OCA2: variants seen among roughly 807,000 people sequenced by gnomAD.
OCA2 encodes P protein.
OCA2 carries 77 observed loss-of-function variants against 100.2 expected under a neutral mutation model. The observed-to-expected ratio is 0.77, with a 90% CI of 0.64 to 0.93. OCA2 has a LOEUF of 0.93. OCA2 is among the 40% of genes least tolerant of loss of function. The pLI is 0.00. For missense variants in OCA2, 1,062 were observed against 1,089.1 expected, an observed-to-expected ratio of 0.98 and a Z score of 0.35; for synonymous variants, 432 against 439.2, an observed-to-expected ratio of 0.98 and a Z score of 0.21.
chr15:27,829,569 A>G lies in OCA2; in HGVS notation c.2432+15390T>C, dbSNP rs577571259. Among the ~76,000 whole-genome samples the G allele has an allele frequency of 3.6e-4, 55 of 152,344 alleles. 2 individuals carry two copies. In the South Asian group the frequency reaches 0.011, roughly 31 times the overall value. Reference sequence around the variant, plus strand: ...ACACACTGCCAAGGGGGCTGGCTTCAGCATCCACAACAGCAACATGGAGTT... The same window carrying G: ...ACACACTGCCAAGGGGGCTGGCTTCGGCATCCACAACAGCAACATGGAGTT... On this transcript the variant is annotated intron_variant, in intron 23 of 23. Coordinates refer to ENST00000354638, the MANE Select transcript of OCA2 (RefSeq NM_000275.3).
chr15:28,016,305 G>A (rs1430328777), intron 7 of OCA2, 119 bp from the exon 8 acceptor site: 31 of 810,202 alleles, frequency 3.8e-5, no homozygotes, highest in Middle Eastern at 2.2e-4. Flanking sequence ...AAAGAAACAG[G>A]AGAGCATCTT....
rs1336442064 is a variant in OCA2 at position 28,022,378 on chromosome 15, A to T, written c.646+123T>A. On this transcript the variant is annotated intron_variant, in intron 6 of 23. Coordinates refer to ENST00000354638, the MANE Select transcript of OCA2 (RefSeq NM_000275.3). ...CTCTCATCAGACATCCTGGAGAAACAAAATTCGAGTGGTAATGGCCTGTGC... is the reference window on the plus strand; with the variant it reads ...CTCTCATCAGACATCCTGGAGAAACTAAATTCGAGTGGTAATGGCCTGTGC... The T allele has an allele frequency of 1.3e-5, 8 of 605,140 alleles. No homozygotes were observed. In the African/African-American group the frequency reaches 3.6e-4, roughly 27 times the overall value. 37.5% of individuals were successfully genotyped at this position (605,140 alleles called of 1,614,324 possible).
At chr15:27,958,566 T>C (rs2040308468) in intron 15 of OCA2, among the ~76,000 whole-genome samples, 1 of 152,198 alleles carries the variant, frequency 6.6e-6, no homozygotes, top group Admixed American at 6.5e-5. Context: ...TGCTGAAATC[T>C]ATAGAATGAG....
chr15:27,724,880 C>CA, the OCA2 span, among the ~76,000 whole-genome samples: 1 of 151,456 alleles, frequency 6.6e-6, no homozygotes. Flanking sequence ...ATCAGGAACT[C>CA]AGTGTTATCC....
the OCA2 span, among the ~76,000 whole-genome samples, chr15:27,726,939 T>C: frequency 6.6e-6 from 1 of 152,186 alleles, no homozygotes; most frequent in African/African-American, 2.4e-5. Context: ...GCGCTGCACA[T>C]GGCAGAAGCT....
intron 11 of OCA2, among the ~76,000 whole-genome samples, chr15:27,988,991 G>A (rs972269855): frequency 3.3e-5 from 5 of 152,214 alleles, no homozygotes; most frequent in Non-Finnish European, 5.9e-5. Context: ...CTAGCCCAGA[G>A]AGGAAGAGCC....
At chr15:27,801,550 C>CAAAAAAAAAAA (rs34636608) in intron 23 of OCA2, among the ~76,000 whole-genome samples, 6 of 37,824 alleles carry the variant, frequency 1.6e-4, no homozygotes, top group Non-Finnish European at 3.1e-4. Context: ...GACTCGGTCT[C>CAAAAAAAAAAA]AAAAAAAAAA....
At chr15:27,956,491 G>A (rs574466674) in intron 16 of OCA2, among the ~76,000 whole-genome samples, 2 of 152,346 alleles carry the variant, frequency 1.3e-5, no homozygotes, top group Admixed American at 1.3e-4. Flanking sequence ...AGGAGCTGAT[G>A]GGAACGTGGT....
At chr15:27,899,038 G>A (rs1245991411) in intron 19 of OCA2, among the ~76,000 whole-genome samples, 1 of 152,090 alleles carries the variant, frequency 6.6e-6, no homozygotes, top group Non-Finnish European at 1.5e-5. Context: ...CCAACAAAAT[G>A]TTAGCAAACT....
chr15:27,893,386 T>A (rs2594892), intron 19 of OCA2, among the ~76,000 whole-genome samples: 66,992 of 151,976 alleles, frequency 0.44, 17,221 homozygotes, highest in African/African-American at 0.69. Flanking sequence ...CCTGAAAAAG[T>A]ACAGAATAAC....
chr15:27,775,063 CGTGTGTGTGTGT>C (rs66465683), intron 23 of OCA2, among the ~76,000 whole-genome samples: 43 of 143,034 alleles, frequency 3.0e-4, no homozygotes, highest in African/African-American at 7.8e-4. Flanking sequence ...TTTTAGAACT[CGTGTGTGTGTGT>C]GTGTGTGTGT....
rs1474003986 is a variant in OCA2 at position 27,823,368 on chromosome 15, C to T, written c.2432+21591G>A. ...AATGGAGGGAGGAAGAAAGATAGGT[C>T]ACGGATTTGTATAAATAAGTCATAT... On this transcript the variant is annotated intron_variant, in intron 23 of 23. Transcript: ENST00000354638. 2.0e-5 allele frequency among the ~76,000 whole-genome samples: 3 copies of T among 150,996 alleles called. No homozygotes were observed. In the Admixed American group the frequency reaches 2.0e-4, roughly 10 times the overall value.
chr15:28,091,795 A>G (rs771985821), intron 1 of OCA2, among the ~76,000 whole-genome samples: 46 of 150,172 alleles, frequency 3.1e-4, no homozygotes, highest in Non-Finnish European at 5.3e-4. Context: ...GTCTCTACTA[A>G]AAATACAGAA....
intron 23 of OCA2, among the ~76,000 whole-genome samples, chr15:27,756,219 A>G (rs11632677): frequency 0.013 from 1,994 of 152,342 alleles, 25 homozygotes; most frequent in Non-Finnish European, 0.023. Context: ...TGCAAATGTT[A>G]CAATTTTGGT....
Position 27,917,969 on chromosome 15 carries a change from TCC to T in OCA2, c.2079+8156_2079+8157del, listed in dbSNP as rs376100587. Reference sequence around the variant, plus strand: ...CATGAAGATTCCATTGTTCCTCAACTCCCCATATTTTAGACTACTTAAGTTGG... The same window carrying T: ...CATGAAGATTCCATTGTTCCTCAACTCCATATTTTAGACTACTTAAGTTGG... On this transcript the variant is annotated intron_variant, in intron 19 of 23. Transcript: ENST00000354638. Among the ~76,000 whole-genome samples the T allele has an allele frequency of 3.2e-3, 489 of 152,036 alleles. 2 individuals carry two copies. The highest frequency in any genetic ancestry group is 0.011 in the African/African-American group (472 of 41,456).
chr15:27,768,554 C>G (rs183769740), intron 23 of OCA2, among the ~76,000 whole-genome samples: 148 of 152,278 alleles, frequency 9.7e-4, no homozygotes, highest in African/African-American at 3.3e-3. Context: ...AGTGCCAGTT[C>G]TTTTTTCCTT....
chr15:27,987,458 G>A (rs1021173002), intron 11 of OCA2, among the ~76,000 whole-genome samples: 5 of 152,076 alleles, frequency 3.3e-5, no homozygotes, highest in African/African-American at 4.8e-5. Flanking sequence ...GGTGGCTCAC[G>A]CCTGTAATCC....
intron 11 of OCA2, among the ~76,000 whole-genome samples, chr15:27,989,028 G>T (rs2141007365): frequency 6.6e-6 from 1 of 152,246 alleles, no homozygotes; most frequent in South Asian, 2.1e-4. Flanking sequence ...GACTGTTTGG[G>T]GTCTGCTGAG....
chr15:28,068,434 A>G (rs2044091587), intron 2 of OCA2, among the ~76,000 whole-genome samples: 1 of 152,258 alleles, frequency 6.6e-6, no homozygotes, highest in Non-Finnish European at 1.5e-5. Context: ...TGAATAAACC[A>G]GTATCAACAT....
Sources: gnomAD v4.1 joint callset for allele counts (sites outside exome capture counted in the v4.1 genomes callset) on GRCh38, gnomAD v4.1.1 for gene constraint, MANE v1.5 for transcripts, NCBI Gene and HGNC (gene_info 2026-07-23, HGNC 2026-07-21) for gene names.